NCAM2: variants seen among roughly 807,000 people sequenced by gnomAD.
The protein encoded by NCAM2 is N-CAM-2.
NCAM2 carries 30 observed loss-of-function variants against 98.1 expected under a neutral mutation model. That is an observed-to-expected ratio of 0.31 (90% CI 0.23 to 0.41). The LOEUF is 0.41. Among genes scored for constraint, NCAM2 ranks in the 10% least tolerant of loss-of-function variants. NCAM2 has a pLI of 1.00. For missense variants in NCAM2, 867 were observed against 1,005.8 expected, an observed-to-expected ratio of 0.86 and a Z score of 1.87; for synonymous variants, 368 against 342.4, an observed-to-expected ratio of 1.07 and a Z score of -0.83.
At chr21:21,147,885 A>C (rs1326743876) in intron 1 of NCAM2, among the ~76,000 whole-genome samples, 1 of 151,328 alleles carries the variant, frequency 6.6e-6, no homozygotes, top group Non-Finnish European at 1.5e-5. Context: ...TTCTCTATAT[A>C]ATATATAGGA....
chr21:21,346,915 CA>C (rs1427673116), intron 8 of NCAM2, among the ~76,000 whole-genome samples: 2 of 150,796 alleles, frequency 1.3e-5, no homozygotes, highest in East Asian at 1.9e-4. Flanking sequence ...GAGCCTCCAT[CA>C]AAAAAAGAGG....
At chr21:21,289,074 A>T (rs2073201296) in intron 4 of NCAM2, among the ~76,000 whole-genome samples, 2 of 151,932 alleles carry the variant, frequency 1.3e-5, no homozygotes, top group Non-Finnish European at 2.9e-5. Context: ...TATCCATTCA[A>T]TCTTGGCCAG....
At chr21:21,489,892 A>G (rs1986704399) in intron 15 of NCAM2, among the ~76,000 whole-genome samples, 1 of 150,454 alleles carries the variant, frequency 6.6e-6, no homozygotes, top group Admixed American at 6.7e-5. Flanking sequence ...TTCTAAAGTT[A>G]ATATGGTTTG....
At position 21,373,925 on chromosome 21, in the gene NCAM2, T is replaced by C; in HGVS notation, c.1107T>C (p.Asp369=). ...QHGSSSLHIK[D]VKLSDSGRYD... ...GAAGCTCATCACTGCATATTAAAGA[T>C]GTGAAGTTGTCAGATTCAGGGAGAT... The change falls in exon 9 of 18, where the codon GAT becomes GAC. Residue 369 remains aspartate, a synonymous_variant. Coordinates refer to ENST00000400546, the MANE Select transcript of NCAM2 (RefSeq NM_004540.5). 6.2e-7 allele frequency: 1 copy of C among 1,611,150 alleles called. No individual in the cohort carries two copies. Among genetic ancestry groups the C allele is most frequent in the Non-Finnish European group, 8.5e-7 (1 of 1,178,282 alleles).
intron 9 of NCAM2, among the ~76,000 whole-genome samples, chr21:21,375,709 G>T (rs969568789): frequency 1.3e-5 from 2 of 149,200 alleles, no homozygotes; most frequent in African/African-American, 4.9e-5. Context: ...TTTACTTTAT[G>T]ATTTTTTTTA....
At chr21:21,233,016 T>G (rs983257556) in intron 1 of NCAM2, among the ~76,000 whole-genome samples, 6 of 151,682 alleles carry the variant, frequency 4.0e-5, no homozygotes, top group Non-Finnish European at 8.9e-5. Context: ...AAATGTTAAC[T>G]AATTTTCTGA....
chr21:21,311,334 C>CTTTT (rs1568919300), intron 5 of NCAM2, among the ~76,000 whole-genome samples: 2 of 115,882 alleles, frequency 1.7e-5, no homozygotes, highest in African/African-American at 6.5e-5. Context: ...AAATATGGGG[C>CTTTT]ATTTTTTTTT....
intron 16 of NCAM2, among the ~76,000 whole-genome samples, chr21:21,515,537 A>G (rs1050051539): frequency 1.3e-5 from 2 of 152,182 alleles, no homozygotes; most frequent in African/African-American, 2.4e-5. Context: ...ACCAAAGCAA[A>G]TTGCTTTCCT....
In NCAM2 at chr21:21,335,619, A is replaced by G; in HGVS notation, c.852A>G (p.Thr284=). ...SDGGPYVCRA[T]NKAGEDEKQA... ...GTGGTCCTTATGTCTGCAGGGCCAC[A>G]AATAAGGCAGGAGAAGATGAAAAGC... The change falls in exon 7 of 18, where the codon ACA becomes ACG. Residue 284 remains threonine (T), a synonymous_variant. Transcript: ENST00000400546. The G allele has an allele frequency of 6.2e-7, 1 of 1,610,926 alleles. No homozygotes were observed. Among genetic ancestry groups the G allele is most frequent in the Non-Finnish European group, 8.5e-7 (1 of 1,178,420 alleles).
chr21:21,058,345 T>C (rs924511992), intron 1 of NCAM2, among the ~76,000 whole-genome samples: 9 of 152,238 alleles, frequency 5.9e-5, no homozygotes, highest in African/African-American at 1.7e-4. Context: ...ATTGCACATA[T>C]GAATTCCTAA....
chr21:21,145,394 A>T (rs2146672867), intron 1 of NCAM2, among the ~76,000 whole-genome samples: 1 of 152,292 alleles, frequency 6.6e-6, no homozygotes, highest in South Asian at 2.1e-4. Flanking sequence ...TTGAGTATAA[A>T]CCAAGAACAA....
At chr21:21,296,172 G>GT (rs1283280831) in intron 5 of NCAM2, among the ~76,000 whole-genome samples, 1 of 151,824 alleles carries the variant, frequency 6.6e-6, no homozygotes, top group Admixed American at 6.6e-5. Context: ...TCAACAATCT[G>GT]TAAGAATCAA....
At position 21,067,908 on chromosome 21, in the gene NCAM2, C is replaced by T. The variant is rs535130214; in HGVS notation, c.55+69290C>T. ...TAGAGATGGATGATGTATATTGGGG[C>T]AGAGGAATTGGGTCAGGATACATTA... On this transcript the variant is annotated intron_variant, in intron 1 of 17. Coordinates refer to ENST00000400546, the MANE Select transcript of NCAM2 (RefSeq NM_004540.5). Among the ~76,000 whole-genome samples the T allele has an allele frequency of 7.2e-5, 11 of 151,968 alleles. No individual in the cohort carries two copies. The South Asian group carries it at 2.3e-3, about 32-fold the overall frequency.
chr21:21,068,578 G>A (rs1291296606), intron 1 of NCAM2, among the ~76,000 whole-genome samples: 1 of 150,222 alleles, frequency 6.7e-6, no homozygotes. Flanking sequence ...TTCTGCCTCA[G>A]CCTCCTGAGT....
At chr21:21,356,860 C>T (rs1396970318) in intron 8 of NCAM2, among the ~76,000 whole-genome samples, 1 of 152,048 alleles carries the variant, frequency 6.6e-6, no homozygotes, top group Non-Finnish European at 1.5e-5. Flanking sequence ...CGTGGTGGCA[C>T]ATGCCTGTAA....
intron 11 of NCAM2, 82 bp downstream of exon 11, chr21:21,418,651 A>G: frequency 1.0e-6 from 1 of 1,001,968 alleles, no homozygotes; most frequent in Non-Finnish European, 1.6e-6. Flanking sequence ...AAGTGGTCTC[A>G]TTTACATGTG....
intron 8 of NCAM2, among the ~76,000 whole-genome samples, chr21:21,365,851 C>T (rs914219265): frequency 6.6e-6 from 1 of 152,174 alleles, no homozygotes; most frequent in Non-Finnish European, 1.5e-5. Context: ...GACATAGCAC[C>T]ATAATCTATC....
chr21:21,359,180 G>T (rs1421859651), intron 8 of NCAM2, among the ~76,000 whole-genome samples: 2 of 151,838 alleles, frequency 1.3e-5, no homozygotes, highest in Non-Finnish European at 2.9e-5. Flanking sequence ...ACATTTTAAA[G>T]ATCTACCTAA....
intron 1 of NCAM2, among the ~76,000 whole-genome samples, chr21:21,037,957 C>T (rs2064830975): frequency 2.0e-5 from 3 of 152,184 alleles, no homozygotes; most frequent in Admixed American, 1.3e-4. Flanking sequence ...ACAATCTCAA[C>T]ATTTTGTCTT....
Sources: allele counts gnomAD v4.1 joint callset (sites outside exome capture counted in the v4.1 genomes callset), GRCh38; gene constraint gnomAD v4.1.1; transcripts MANE v1.5; gene names NCBI Gene and HGNC (gene_info 2026-07-23, HGNC 2026-07-21).